Variants in ANXA5 observed in about 807,000 individuals in gnomAD.
The protein encoded by ANXA5 is annexin A5.
A neutral mutation model predicts 48.1 loss-of-function variants in ANXA5; 40 were observed. The observed-to-expected ratio is 0.83, with a 90% CI of 0.65 to 1.08. The LOEUF is 1.08. ANXA5 is among the 50% of genes least tolerant of loss of function. The probability of loss-of-function intolerance (pLI) is 0.00; values close to 1 mark genes in which losing one functional copy is unlikely to be tolerated. For missense variants in ANXA5, 357 were observed against 376.8 expected, an observed-to-expected ratio of 0.95 and a Z score of 0.44; for synonymous variants, 113 against 129.1, an observed-to-expected ratio of 0.88 and a Z score of 0.85.
At chr4:121,669,451 C>T (rs1033078492) in intron 12 of ANXA5, 151 bp downstream of exon 12, 1 of 954,576 alleles carries the variant, frequency 1.0e-6, no homozygotes, top group East Asian at 2.4e-5. Context: ...CTTCAGGAAA[C>T]ATTATGCTAA....
chr4:121,681,827 T>C (rs1455119371), intron 5 of ANXA5, 66 bp from the exon 6 acceptor site: 1 of 1,158,204 alleles, frequency 8.6e-7, no homozygotes, highest in Non-Finnish European at 1.3e-6. Flanking sequence ...TAAAAGAAAG[T>C]TATAGATGTT....
At chr4:121,680,426 T>G (rs761364091) in intron 6 of ANXA5, among the ~76,000 whole-genome samples, 14 of 152,224 alleles carry the variant, frequency 9.2e-5, no homozygotes, top group Non-Finnish European at 1.9e-4. Flanking sequence ...TCTGAATGCA[T>G]TATTGCATTT....
At chr4:121,678,830 T>C (rs968300284) in intron 6 of ANXA5, among the ~76,000 whole-genome samples, 4 of 152,240 alleles carry the variant, frequency 2.6e-5, no homozygotes, top group Non-Finnish European at 5.9e-5. Context: ...AACTCTGTTT[T>C]GCTTTCTTTC....
At chr4:121,685,661 G>C (rs982522892) in intron 3 of ANXA5, among the ~76,000 whole-genome samples, 1 of 152,194 alleles carries the variant, frequency 6.6e-6, no homozygotes, top group African/African-American at 2.4e-5. Flanking sequence ...GAGCACAGGA[G>C]ATCAGTGACA....
At chr4:121,671,099 C>T (rs989533509) in intron 10 of ANXA5, among the ~76,000 whole-genome samples, 1 of 152,156 alleles carries the variant, frequency 6.6e-6, no homozygotes, top group Admixed American at 6.6e-5. Flanking sequence ...AATTTGAAAA[C>T]AACCATCATC....
At chr4:121,678,614 T>G in intron 6 of ANXA5, 120 bp from the exon 7 acceptor site, 2 of 803,780 alleles carry the variant, frequency 2.5e-6, no homozygotes, top group Non-Finnish European at 3.9e-6. Context: ...TTAACATAAA[T>G]TCCCTCTATT....
chr4:121,696,751 C>A, intron 1 of ANXA5, 112 bp downstream of exon 1: 1 of 475,884 alleles, frequency 2.1e-6, no homozygotes, highest in South Asian at 1.0e-4. Flanking sequence ...GCCGACCCGC[C>A]CTCTCGCAGC....
rs1362445988 is a variant in ANXA5, at chr4:121,681,674, C to T, written c.391G>A (p.Glu131Lys). ...ELRAIKQVYE[E>K]EYGSSLEDDV... ...AATATAACTCACAAACATTTACCTT[C>T]TTCATAAACTTGTTTGATGGCTCTC... Residue 131 changes from glutamate to lysine, a missense_variant, in exon 6 of 13, where the codon GAA (glutamate) becomes AAA (lysine). By Grantham distance (56) the Glu-to-Lys change is moderately conservative (BLOSUM62 1). Coordinates refer to ENST00000296511, the MANE Select transcript of ANXA5 (RefSeq NM_001154.4). 1 of 1,606,096 alleles carries T rather than the reference C, an allele frequency of 6.2e-7. No individual in the cohort carries two copies. The highest frequency in any genetic ancestry group is 8.5e-7 in the Non-Finnish European group (1 of 1,173,886).
chr4:121,668,473 C>T lies in ANXA5; in HGVS notation c.958G>A (p.Asp320Asn). 6.2e-7 allele frequency: 1 copy of T among 1,613,468 alleles called. No homozygotes were observed. Among genetic ancestry groups the T allele is most frequent in the Non-Finnish European group, 8.5e-7 (1 of 1,179,566 alleles). Residue 320 changes from aspartate (D) to asparagine (N), a missense_variant, in exon 13 of 13, where the codon GAC becomes AAC. By Grantham distance (23) the Asp-to-Asn change is conservative (BLOSUM62 1). Transcript: ENST00000296511. ...KALLLLCGED[D>N] ...GAGCTCTTCCCCGTGACACGTTAGT[C>T]ATCTTCTCCACAGAGCAGCAGAAGA... is the stretch of plus-strand genomic sequence containing the variant.
At position 121,678,507 on chromosome 4, in the gene ANXA5, A is replaced by AT; in HGVS notation, c.395-14_395-13insA. ...CTTGAGCCATATTCTGCAACAAAAT[A>AT]ATTTCATACTTATTTACATCTTCTT... On this transcript the variant is annotated splice_polypyrimidine_tract_variant and intron_variant, in intron 6 of 12. Transcript: ENST00000296511. 1 of 1,606,020 alleles carries AT rather than the reference A, an allele frequency of 6.2e-7. No individual in the cohort carries two copies. The highest frequency in any genetic ancestry group is 8.5e-7 in the Non-Finnish European group (1 of 1,173,902).
intron 8 of ANXA5, among the ~76,000 whole-genome samples, chr4:121,677,091 T>C (rs1455351184): frequency 1.3e-5 from 2 of 152,184 alleles, no homozygotes; most frequent in African/African-American, 4.8e-5. Flanking sequence ...CTCTCCTCTT[T>C]CCTGTTAGCA....
At chr4:121,684,391 T>C (rs769319425) in intron 4 of ANXA5, among the ~76,000 whole-genome samples, 2 of 152,134 alleles carry the variant, frequency 1.3e-5, no homozygotes, top group African/African-American at 4.8e-5. Flanking sequence ...TCCATGTGAA[T>C]GCTGAGTGGG....
chr4:121,683,576 G>T, intron 4 of ANXA5, 99 bp from the exon 5 acceptor site: 1 of 653,540 alleles, frequency 1.5e-6, no homozygotes, highest in Non-Finnish European at 2.6e-6. Context: ...AATTCTTTAT[G>T]TTGCTGTCTC....
chr4:121,686,443 A>G, intron 2 of ANXA5, 71 bp from the exon 3 acceptor site: 10 of 1,124,834 alleles, frequency 8.9e-6, no homozygotes, highest in Non-Finnish European at 1.3e-5. Flanking sequence ...ACAAACAGGA[A>G]GCCGCTTGCT....
rs187692274 is a variant in ANXA5 at position 121,694,498 on chromosome 4, C to A, written c.9+2083G>T. ...CTCCCGGGTTCAAGTGATTCTCCTGCCTCAGCCTCCCGAGTAGCTGGGATT... is the reference window on the plus strand; with the variant it reads ...CTCCCGGGTTCAAGTGATTCTCCTGACTCAGCCTCCCGAGTAGCTGGGATT... On this transcript the variant is annotated intron_variant, in intron 2 of 12. Transcript: ENST00000296511. Among the ~76,000 whole-genome samples, 723 of 152,050 alleles carry A rather than the reference C, an allele frequency of 4.8e-3. 9 individuals carry two copies. Among genetic ancestry groups the A allele is most frequent in the African/African-American group, 0.016 (645 of 41,440 alleles).
chr4:121,687,301 CA>C (rs79008900), intron 2 of ANXA5, among the ~76,000 whole-genome samples: 286 of 53,718 alleles, frequency 5.3e-3, no homozygotes, highest in Middle Eastern at 0.012. Context: ...CTCTGTCTCA[CA>C]AAAAAAAAAA....
chr4:121,686,762 A>G (rs944088309), intron 2 of ANXA5, among the ~76,000 whole-genome samples: 1 of 152,154 alleles, frequency 6.6e-6, no homozygotes, highest in Non-Finnish European at 1.5e-5. Flanking sequence ...TGAGTACTCA[A>G]TTTTAAGCAG....
At chr4:121,691,540 CT>C (rs60211489) in intron 2 of ANXA5, among the ~76,000 whole-genome samples, 59,228 of 142,818 alleles carry the variant, frequency 0.41, 13,593 homozygotes, top group East Asian at 0.65. Flanking sequence ...ATACCGCACC[CT>C]CCCCCCACCT....
chr4:121,684,990 G>T (rs1724857707), intron 3 of ANXA5, among the ~76,000 whole-genome samples: 1 of 147,786 alleles, frequency 6.8e-6, no homozygotes, highest in African/African-American at 2.5e-5. Flanking sequence ...GACCTGCCTG[G>T]TCAACATAGT....
Sources: allele counts gnomAD v4.1 joint callset (sites outside exome capture counted in the v4.1 genomes callset), GRCh38; gene constraint gnomAD v4.1.1; transcripts MANE v1.5; gene names NCBI Gene and HGNC (gene_info 2026-07-23, HGNC 2026-07-21).